Variants in TPBG observed in about 807,000 individuals in gnomAD.
The protein encoded by TPBG is trophoblast glycoprotein, also known as 5T4 oncofetal antigen.
In TPBG, 13 loss-of-function variants were observed where a neutral mutation model predicts 19.3. The ratio of observed to expected loss-of-function variants is 0.67; its 90% CI spans 0.44 to 1.07. The LOEUF (loss-of-function observed/expected upper bound fraction) is 1.07, where lower values mean the gene tolerates loss of function less well. TPBG is among the 50% of genes least tolerant of loss of function. The pLI is 0.00. For missense variants in TPBG, 642 were observed against 559.6 expected (o/e 1.15, Z -1.49); for synonymous variants, 338 against 259.8 (o/e 1.30, Z -2.89).
rs1410203089 is a variant in TPBG, at chr6:82,364,941, T to C, written c.-21T>C. 2.1e-6 allele frequency: 3 copies of C among 1,455,994 alleles called. No individual in the cohort carries two copies. Among genetic ancestry groups the C allele is most frequent in the South Asian group, 3.0e-5 (2 of 67,608 alleles). 90.2% of individuals were successfully genotyped at this position (1,455,994 alleles called of 1,614,324 possible). ...GGAGCGGGCGCCGTCCCAGCCCAGC[T>C]CCGGGGAAACGCGAGCCGCGATGCC... On this transcript the variant is annotated 5_prime_UTR_variant, in exon 2 of 2. Transcript: ENST00000369750.
chr6:82,367,330 T>G lies in TPBG; in HGVS notation c.*1106T>G, dbSNP rs1767532556. On this transcript the variant is annotated 3_prime_UTR_variant, in exon 2 of 2. Transcript: ENST00000369750. ...TGTTCTGTGGATTTTTAGAGCAGAA[T>G]TTGAAACAAATGTAATGCAAATAAA... 6.0e-6 allele frequency: 1 copy of G among 166,858 alleles called. No homozygotes were observed. Among genetic ancestry groups the G allele is most frequent in the South Asian group, 2.1e-4 (1 of 4,832 alleles). 10.3% of individuals were successfully genotyped at this position (166,858 alleles called of 1,614,324 possible).
Position 82,365,322 on chromosome 6 carries a change from G to A in TPBG, c.361G>A (p.Ala121Thr). 1.3e-6 allele frequency: 2 copies of A among 1,573,424 alleles called. No homozygotes were observed. Among genetic ancestry groups the A allele is most frequent in the Admixed American group, 1.8e-5 (1 of 54,726 alleles). ...FARRPPLAEL[A>T]ALNLSGSRLD... Reference sequence around the variant, plus strand: ...CCGCCGGCCGCCGCTGGCGGAGCTGGCCGCGCTCAACCTCAGCGGCAGCCG... The same window carrying A: ...CCGCCGGCCGCCGCTGGCGGAGCTGACCGCGCTCAACCTCAGCGGCAGCCG... Residue 121 changes from alanine (A) to threonine (T), a missense_variant, in exon 2 of 2, where the codon GCC becomes ACC. By Grantham distance (58) the Ala-to-Thr change is moderately conservative. Coordinates refer to ENST00000369750, the MANE Select transcript of TPBG (RefSeq NM_001376922.1).
In TPBG at chr6:82,364,647, G is replaced by C. The variant is rs1235154476; in HGVS notation, c.-315G>C. 2.9e-6 allele frequency: 1 copy of C among 348,984 alleles called. No homozygotes were observed. Among genetic ancestry groups the C allele is most frequent in the Non-Finnish European group, 5.1e-6 (1 of 196,264 alleles). The allele number at this position is 348,984 out of a possible 1,614,324, so 21.6% of individuals were successfully genotyped here. ...GGTCCCTCAGAGGATCCAGCGAGGG[G>C]CGCCAACAAGAGGCGAAGAGGTGGC... On this transcript the variant is annotated 5_prime_UTR_variant, in exon 2 of 2. Transcript: ENST00000369750.
Position 82,365,603 on chromosome 6 carries a change from C to T in TPBG, c.642C>T (p.Arg214=), listed in dbSNP as rs150260502. The change falls in exon 2 of 2, where the codon CGC becomes CGT. Residue 214 remains arginine, a synonymous_variant. Transcript: ENST00000369750. Reference sequence around the variant, plus strand: ...GCCGTGCACTGCAGGGGCTCCGCCGCTTGGAGCTGGCCAGCAACCACTTCC... The same window carrying T: ...GCCGTGCACTGCAGGGGCTCCGCCGTTTGGAGCTGGCCAGCAACCACTTCC... ...LAGRALQGLR[R]LELASNHFLY... The T allele has an allele frequency of 2.5e-6, 4 of 1,600,938 alleles. No individual in the cohort carries two copies. The African/African-American group carries it at 4.0e-5, about 16-fold the overall frequency.
chr6:82,365,675 C>A lies in TPBG; in HGVS notation c.714C>A (p.His238Gln). Residue 238 changes from histidine (H) to glutamine (Q), a missense_variant, in exon 2 of 2, where the codon CAC becomes CAA. Physicochemically the swap from His to Gln is conservative, Grantham distance 24. Transcript: ENST00000369750. ...TGGCCCAACTGCCCAGCCTCAGGCA[C>A]CTGGACTTAAGTAATAATTCGCTGG... is the stretch of plus-strand genomic sequence containing the variant. Reference protein sequence around the residue: ...DVLAQLPSLRHLDLSNNSLVS... With the variant: ...DVLAQLPSLRQLDLSNNSLVS... 1 of 1,604,246 alleles carries A rather than the reference C, an allele frequency of 6.2e-7. No individual in the cohort carries two copies. Among genetic ancestry groups the A allele is most frequent in the Non-Finnish European group, 8.5e-7 (1 of 1,174,998 alleles).
At position 82,365,240 on chromosome 6, in the gene TPBG, G is replaced by T; in HGVS notation, c.279G>T (p.Val93=). ...TGCCCACGGACCTGCCCGCCTACGTGCGCAACCTCTTCCTTACCGGCAACC... is the reference window on the plus strand; with the variant it reads ...TGCCCACGGACCTGCCCGCCTACGTTCGCAACCTCTTCCTTACCGGCAACC... The part of the protein sequence containing the change: ...TEVPTDLPAY[V]RNLFLTGNQL... Residue 93 remains valine, a synonymous_variant, in exon 2 of 2, where the codon GTG becomes GTT. Transcript: ENST00000369750. 1.3e-6 allele frequency: 2 copies of T among 1,590,178 alleles called. No individual in the cohort carries two copies. The highest frequency in any genetic ancestry group is 1.7e-4 in the Middle Eastern group (1 of 5,994).
intron 1 of TPBG, chr6:82,364,248 G>A (rs1004020): frequency 0.063 from 9,650 of 152,550 alleles, 355 homozygotes; most frequent in Middle Eastern, 0.091. Context: ...GGAGACACCC[G>A]GAGGCCGACC....
rs1421160208 is a variant in TPBG, at chr6:82,365,507, C to T, written c.546C>T (p.His182=). ...PSPLVELILN[H]IVPPEDERQN... ...CCCTTGTGGAACTGATCCTGAACCACATCGTGCCCCCTGAAGATGAGCGGC... is the reference window on the plus strand; with the variant it reads ...CCCTTGTGGAACTGATCCTGAACCATATCGTGCCCCCTGAAGATGAGCGGC... Residue 182 remains histidine (H), a synonymous_variant, in exon 2 of 2, where the codon CAC becomes CAT. Transcript: ENST00000369750. 6.3e-7 allele frequency: 1 copy of T among 1,585,578 alleles called. No homozygotes were observed.
At position 82,365,399 on chromosome 6, in the gene TPBG, G is replaced by A. The variant is rs764361535; in HGVS notation, c.438G>A (p.Gln146=). ...GAFEHLPSLR[Q]LDLSHNPLAD... The stretch of plus-strand genomic sequence containing the variant: ...TCGAGCATCTGCCCAGCCTGCGCCA[G>A]CTCGACCTCAGCCACAACCCACTGG... Residue 146 remains glutamine, a synonymous_variant, in exon 2 of 2, where the codon CAG becomes CAA. Coordinates refer to ENST00000369750, the MANE Select transcript of TPBG (RefSeq NM_001376922.1). 1.2e-6 allele frequency: 2 copies of A among 1,602,858 alleles called. No homozygotes were observed. Among genetic ancestry groups the A allele is most frequent in the Non-Finnish European group, 1.7e-6 (2 of 1,176,294 alleles).
rs1358468985 is a variant in TPBG at position 82,366,123 on chromosome 6, A to G, written c.1162A>G (p.Ile388Val). ...RKGIKKWMHN[I>V]RDACRDHMEG... ...GGGGATAAAAAAGTGGATGCATAAC[A>G]TCAGAGATGCCTGCAGGGATCACAT... The change falls in exon 2 of 2, where the codon ATC (isoleucine) becomes GTC (valine). Residue 388 changes from isoleucine to valine, a missense_variant. Transcript: ENST00000369750. The G allele has an allele frequency of 1.2e-6, 2 of 1,614,212 alleles. No individual in the cohort carries two copies. The highest frequency in any genetic ancestry group is 1.7e-6 in the Non-Finnish European group (2 of 1,180,040).
rs1437716675 is a variant in TPBG, at chr6:82,366,324, C to A, written c.*100C>A. 9 of 1,364,486 alleles carry A rather than the reference C, an allele frequency of 6.6e-6. No individual in the cohort carries two copies. The highest frequency in any genetic ancestry group is 4.4e-5 in the African/African-American group (3 of 68,074). 84.5% of individuals were successfully genotyped at this position (1,364,486 alleles called of 1,614,324 possible). ...CCACTTTCATCCTCCACTATAGATA[C>A]AACGGACTTTGACTAAAAGCAGTGA... On this transcript the variant is annotated 3_prime_UTR_variant, in exon 2 of 2. Transcript: ENST00000369750.
chr6:82,364,665 G>T lies in TPBG; in HGVS notation c.-297G>T. On this transcript the variant is annotated 5_prime_UTR_variant, in exon 2 of 2. Coordinates refer to ENST00000369750, the MANE Select transcript of TPBG (RefSeq NM_001376922.1). ...GCGAGGGGCGCCAACAAGAGGCGAA[G>T]AGGTGGCACCAGGGCGGCGGCAGGA... 1.0e-5 allele frequency: 4 copies of T among 383,400 alleles called. No individual in the cohort carries two copies. The highest frequency in any genetic ancestry group is 1.8e-5 in the Non-Finnish European group (4 of 217,824). 23.7% of individuals were successfully genotyped at this position (383,400 alleles called of 1,614,324 possible). A position where few individuals can be genotyped will look rare whatever the true frequency, so the allele number is the denominator to read the frequency against.
Position 82,366,388 on chromosome 6 carries a change from T to C in TPBG, c.*164T>C. On this transcript the variant is annotated 3_prime_UTR_variant, in exon 2 of 2. Coordinates refer to ENST00000369750, the MANE Select transcript of TPBG (RefSeq NM_001376922.1). ...CCTTGTTATGTAAAGTTTCTCGGTG[T>C]GTTCTGTTAATGTAAGACGATGAAC... 1.2e-6 allele frequency: 1 copy of C among 808,714 alleles called. No homozygotes were observed. Among genetic ancestry groups the C allele is most frequent in the South Asian group, 2.2e-5 (1 of 45,374 alleles). The allele number at this position is 808,714 out of a possible 1,614,324, so 50.1% of individuals were successfully genotyped here.
chr6:82,366,096 A>C lies in TPBG; in HGVS notation c.1135A>C (p.Lys379Gln), dbSNP rs1259089727. ...CCTCCTGGTTTTGTATTTGAACCGC[A>C]AGGGGATAAAAAAGTGGATGCATAA... ...IFLLVLYLNR[K>Q]GIKKWMHNIR... Residue 379 changes from lysine (K) to glutamine (Q), a missense_variant, in exon 2 of 2, where the codon AAG becomes CAG. Lys to Gln is a moderately conservative substitution (Grantham distance 53). Coordinates refer to ENST00000369750, the MANE Select transcript of TPBG (RefSeq NM_001376922.1). 1.2e-6 allele frequency: 2 copies of C among 1,614,080 alleles called. No homozygotes were observed. The highest frequency in any genetic ancestry group is 4.5e-5 in the East Asian group (2 of 44,894).
chr6:82,365,386 C>G lies in TPBG; in HGVS notation c.425C>G (p.Pro142Arg), dbSNP rs759074997. The change falls in exon 2 of 2, where the codon CCC becomes CGC. Residue 142 changes from proline to arginine, a missense_variant. By Grantham distance (103) the Pro-to-Arg change is moderately radical. Transcript: ENST00000369750. ...EVRAGAFEHLPSLRQLDLSHN... is the reference protein window; with the variant it reads ...EVRAGAFEHLRSLRQLDLSHN... ...CGCGCGGGCGCCTTCGAGCATCTGC[C>G]CAGCCTGCGCCAGCTCGACCTCAGC... 1 of 1,598,710 alleles carries G rather than the reference C, an allele frequency of 6.3e-7. No individual in the cohort carries two copies. Among genetic ancestry groups the G allele is most frequent in the East Asian group, 2.3e-5 (1 of 43,904 alleles).
Position 82,365,547 on chromosome 6 carries a change from G to A in TPBG, c.586G>A (p.Glu196Lys). ...AGATGAGCGGCAGAACCGGAGCTTC[G>A]AGGGCATGGTGGTGGCGGCCCTGCT... ...PEDERQNRSF[E>K]GMVVAALLAG... Residue 196 changes from glutamate (E) to lysine (K), a missense_variant, in exon 2 of 2, where the codon GAG becomes AAG. Coordinates refer to ENST00000369750, the MANE Select transcript of TPBG (RefSeq NM_001376922.1). 1 of 1,575,932 alleles carries A rather than the reference G, an allele frequency of 6.3e-7. No individual in the cohort carries two copies. The highest frequency in any genetic ancestry group is 8.6e-7 in the Non-Finnish European group (1 of 1,162,424).
chr6:82,363,469 C>G (rs1044807819), upstream of TPBG: 6 of 152,188 alleles, frequency 3.9e-5, no homozygotes, highest in African/African-American at 1.4e-4. Flanking sequence ...AAATCTATCT[C>G]GTCACTGCCA....
chr6:82,365,786 T>G lies in TPBG; in HGVS notation c.825T>G (p.Asn275Lys). The change falls in exon 2 of 2, where the codon AAT becomes AAG. Residue 275 changes from asparagine to lysine, a missense_variant. Transcript: ENST00000369750. ...ACAATGCCCTCAAGGTCCTTCACAA[T>G]GGCACCCTGGCTGAGTTGCAAGGTC... ...LEDNALKVLH[N>K]GTLAELQGLP... 4 of 1,614,170 alleles carry G rather than the reference T, an allele frequency of 2.5e-6. No homozygotes were observed. The highest frequency in any genetic ancestry group is 3.4e-6 in the Non-Finnish European group (4 of 1,180,040).
At position 82,365,096 on chromosome 6, in the gene TPBG, G is replaced by T; in HGVS notation, c.135G>T (p.Ala45=). ...CGGCATCCTCCTTCTCCTCCTCGGC[G>T]CCGTTCCTGGCTTCCGCCGTGTCCG... ...TSSASSFSSS[A]PFLASAVSAQ... is the part of the protein sequence containing the mutation. Residue 45 remains alanine (A), a synonymous_variant, in exon 2 of 2, where the codon GCG becomes GCT. Transcript: ENST00000369750. 6.3e-7 allele frequency: 1 copy of T among 1,576,682 alleles called. No homozygotes were observed. The highest frequency in any genetic ancestry group is 1.2e-5 in the South Asian group (1 of 86,914).
Sources: allele counts gnomAD v4.1 joint callset, GRCh38; gene constraint gnomAD v4.1.1; transcripts MANE v1.5; gene names NCBI Gene and HGNC (gene_info 2026-07-23, HGNC 2026-07-21).